The following PPARA variants were observed in gnomAD, a reference collection of about 807,000 sequenced individuals.
PPARA encodes peroxisome proliferator-activated receptor alpha.
Under a neutral mutation model 42.2 loss-of-function variants are expected in PPARA, and 22 were observed. That is an observed-to-expected ratio of 0.52 (90% CI 0.37 to 0.74). The LOEUF is 0.74. PPARA is among the 30% of genes least tolerant of loss of function. PPARA has a pLI of 0.00. For synonymous variants in PPARA, 242 were observed against 239.3 expected (o/e 1.01, Z -0.10); for missense variants, 465 against 608.2 (o/e 0.76, Z 2.48).
At position 46,185,950 on chromosome 22, in the gene PPARA, T is replaced by A. The variant is rs1569207858; in HGVS notation, c.-43+9114T>A. The stretch of plus-strand genomic sequence containing the variant: ...ATATATATATATATATATATATATA[T>A]ATATATATATATATACACACACACT... On this transcript the variant is annotated intron_variant, in intron 3 of 8. Transcript: ENST00000407236. 7.0e-5 allele frequency among the ~76,000 whole-genome samples: 4 copies of A among 57,340 alleles called. 1 individual carries two copies. The highest frequency in any genetic ancestry group is 1.9e-4 in the African/African-American group (3 of 15,392). 37.6% of individuals were successfully genotyped at this position (57,340 alleles called of 152,430 possible).
At chr22:46,166,160 C>T (rs1219616224) in intron 2 of PPARA, among the ~76,000 whole-genome samples, 2 of 152,176 alleles carry the variant, frequency 1.3e-5, no homozygotes, top group Non-Finnish European at 2.9e-5. Flanking sequence ...GTATAGATAA[C>T]AGATGTGCAT....
rs772528519 is a variant in PPARA, at chr22:46,182,936, G to T, written c.-43+6100G>T. Among the ~76,000 whole-genome samples the T allele has an allele frequency of 1.3e-5, 2 of 152,060 alleles. No individual in the cohort carries two copies. Among genetic ancestry groups the T allele is most frequent in the Non-Finnish European group, 1.5e-5 (1 of 68,012 alleles). ...ATTTTTCTATTTTTAGTAAAGACAG[G>T]GTTTCGCCATGATTGCCAGGCTGGT... On this transcript the variant is annotated intron_variant, in intron 3 of 8. Transcript: ENST00000407236. The surrounding 1 kb of genome is among the most constrained non-coding windows in gnomAD (Gnocchi z 5.2).
intron 2 of PPARA, among the ~76,000 whole-genome samples, chr22:46,153,902 G>C (rs1199608556): frequency 6.6e-6 from 1 of 152,148 alleles, no homozygotes; most frequent in Non-Finnish European, 1.5e-5. Context: ...ACTAGACAGA[G>C]AAGAAGGAGA....
Position 46,231,904 on chromosome 22 carries a change from G to A in PPARA, c.824G>A (p.Cys275Tyr). The change falls in exon 8 of 9, where the codon TGC becomes TAC. Residue 275 changes from cysteine (C) to tyrosine (Y), a missense_variant. This residue lies in a region of PPARA where 313 missense variants were observed against 469.1 expected (regional missense o/e 0.67). Transcript: ENST00000407236. The surrounding 1 kb of genome is among the most constrained non-coding windows in gnomAD (Gnocchi z 7.7). ...NKEAEVRIFHCCQCTSVETVT... is the reference protein window; with the variant it reads ...NKEAEVRIFHYCQCTSVETVT... ...GAGGCGGAGGTCCGCATCTTTCACT[G>A]CTGCCAGTGCACGTCAGTGGAGACC... is the stretch of plus-strand genomic sequence containing the variant. The A allele has an allele frequency of 6.2e-7, 1 of 1,614,180 alleles. No homozygotes were observed. The highest frequency in any genetic ancestry group is 8.5e-7 in the Non-Finnish European group (1 of 1,180,006).
At position 46,191,627 on chromosome 22, in the gene PPARA, C is replaced by T. The variant is rs985459846; in HGVS notation, c.-42-6715C>T. ...ATATCCATTACATTTTTGTAGTCTT[C>T]GGACACACTGTGTGTGCCGCTTTGC... On this transcript the variant is annotated intron_variant, in intron 3 of 8. Coordinates refer to ENST00000407236, the MANE Select transcript of PPARA (RefSeq NM_005036.6). This position sits in a 1 kb window ranked among gnomAD's most constrained non-coding sequence, Gnocchi z 4.6. Among the ~76,000 whole-genome samples the T allele has an allele frequency of 2.0e-5, 3 of 152,052 alleles. No homozygotes were observed. The highest frequency in any genetic ancestry group is 1.5e-5 in the Non-Finnish European group (1 of 68,026).
Position 46,183,286 on chromosome 22 carries a change from A to T in PPARA, c.-43+6450A>T, listed in dbSNP as rs1227077607. Among the ~76,000 whole-genome samples, 1 of 152,218 alleles carries T rather than the reference A, an allele frequency of 6.6e-6. No individual in the cohort carries two copies. Among genetic ancestry groups the T allele is most frequent in the East Asian group, 1.9e-4 (1 of 5,208 alleles). The stretch of plus-strand genomic sequence containing the variant: ...CACATTGCAATTTGTCATTAGTTTA[A>T]ACTTCCAGTCTTTGTTTTAAAAACA... On this transcript the variant is annotated intron_variant, in intron 3 of 8. Transcript: ENST00000407236. This position sits in a 1 kb window ranked among gnomAD's most constrained non-coding sequence, Gnocchi z 5.5.
At chr22:46,226,446 C>T (rs980361006) in intron 7 of PPARA, among the ~76,000 whole-genome samples, 5 of 152,188 alleles carry the variant, frequency 3.3e-5, no homozygotes, top group African/African-American at 1.2e-4. Context: ...AGAACTGACA[C>T]TCAGTTCAAA....
intron 3 of PPARA, among the ~76,000 whole-genome samples, chr22:46,179,325 T>C (rs1929611367): frequency 6.6e-6 from 1 of 152,134 alleles, no homozygotes; most frequent in South Asian, 2.1e-4. Context: ...ATGTAACTCA[T>C]CGTATTAACA....
At chr22:46,226,829 C>G (rs531119214) in intron 7 of PPARA, among the ~76,000 whole-genome samples, 85 of 151,974 alleles carry the variant, frequency 5.6e-4, no homozygotes, top group Non-Finnish European at 9.7e-4. Context: ...CCACTGTACT[C>G]CAGCCTGGGT....
At chr22:46,201,588 C>A (rs1664514156) in intron 4 of PPARA, among the ~76,000 whole-genome samples, 1 of 152,094 alleles carries the variant, frequency 6.6e-6, no homozygotes, top group African/African-American at 2.4e-5. Flanking sequence ...GGGTTAATGG[C>A]CTTGACAATG....
rs550724312 is a variant in PPARA, at chr22:46,209,920, A to T, written c.209-5253A>T. ...ACCACCACACCTGGCTAATTTTTAA[A>T]TTTTTTGAAGAGACGGGTCTCACTT... On this transcript the variant is annotated intron_variant, in intron 4 of 8. Transcript: ENST00000407236. 2.6e-5 allele frequency among the ~76,000 whole-genome samples: 4 copies of T among 152,008 alleles called. No homozygotes were observed. The East Asian group carries it at 7.7e-4, about 29-fold the overall frequency.
In PPARA at chr22:46,225,912, TAC is replaced by T. The variant is rs761947747; in HGVS notation, c.712-5870_712-5869del. On this transcript the variant is annotated intron_variant, in intron 7 of 8. Transcript: ENST00000407236. The surrounding 1 kb of genome is among the most constrained non-coding windows in gnomAD (Gnocchi z 4.1). Reference sequence around the variant, plus strand: ...TCACACATGTACCCACACCTGTGTGTACACACACACATGCATGCTCACACACA... The same window carrying T: ...TCACACATGTACCCACACCTGTGTGTACACACACATGCATGCTCACACACA... Among the ~76,000 whole-genome samples, 6 of 143,020 alleles carry T rather than the reference TAC, an allele frequency of 4.2e-5. No individual in the cohort carries two copies. The highest frequency in any genetic ancestry group is 2.3e-4 in the South Asian group (1 of 4,378). The allele number at this position is 143,020 out of a possible 152,430, so 93.8% of individuals were successfully genotyped here. A position where few individuals can be genotyped will look rare whatever the true frequency, so the allele number is the denominator to read the frequency against.
rs1461146688 is a variant in PPARA, at chr22:46,234,866, G to T, written c.1160-267G>T. On this transcript the variant is annotated intron_variant, in intron 8 of 8. Coordinates refer to ENST00000407236, the MANE Select transcript of PPARA (RefSeq NM_005036.6). This position sits in a 1 kb window ranked among gnomAD's most constrained non-coding sequence, Gnocchi z 5.8. ...CATCAGGTAAATCACAAGTGAAAAG[G>T]CCGCACCATAAGGTGTACTTAGGGC... is the stretch of plus-strand genomic sequence containing the variant. Among the ~76,000 whole-genome samples the T allele has an allele frequency of 6.6e-6, 1 of 152,138 alleles. No individual in the cohort carries two copies. The highest frequency in any genetic ancestry group is 2.4e-5 in the African/African-American group (1 of 41,422).
chr22:46,210,004 C>T (rs1933764270), intron 4 of PPARA, among the ~76,000 whole-genome samples: 4 of 152,156 alleles, frequency 2.6e-5, no homozygotes, highest in African/African-American at 4.8e-5. Context: ...CTTGGCCTCC[C>T]AACGTGTTGG....
intron 4 of PPARA, among the ~76,000 whole-genome samples, chr22:46,214,337 G>A (rs888665678): frequency 4.7e-5 from 7 of 150,160 alleles, no homozygotes; most frequent in Non-Finnish European, 1.0e-4. Flanking sequence ...AGATGTGCGC[G>A]TACCCAGAGG....
rs555900284 is a variant in PPARA at position 46,171,090 on chromosome 22, G to A, written c.-126-5663G>A. On this transcript the variant is annotated intron_variant, in intron 2 of 8. Coordinates refer to ENST00000407236, the MANE Select transcript of PPARA (RefSeq NM_005036.6). The surrounding 1 kb of genome is among the most constrained non-coding windows in gnomAD (Gnocchi z 5.0). Reference sequence around the variant, plus strand: ...GCAGGAGAATTGCTTGAGCCCAGGAGGCAGAGATCGCAGTGAGCCAAGACT... The same window carrying A: ...GCAGGAGAATTGCTTGAGCCCAGGAAGCAGAGATCGCAGTGAGCCAAGACT... Among the ~76,000 whole-genome samples the A allele has an allele frequency of 4.8e-4, 73 of 152,192 alleles. No homozygotes were observed. Among genetic ancestry groups the A allele is most frequent in the African/African-American group, 1.7e-3 (72 of 41,528 alleles).
At chr22:46,181,998 C>T (rs1569204222) in intron 3 of PPARA, among the ~76,000 whole-genome samples, 1 of 152,222 alleles carries the variant, frequency 6.6e-6, no homozygotes, top group Non-Finnish European at 1.5e-5. Flanking sequence ...ACCACCACGC[C>T]TGGCTAATTT....
chr22:46,202,821 C>T (rs955286739), intron 4 of PPARA, among the ~76,000 whole-genome samples: 1 of 150,266 alleles, frequency 6.7e-6, no homozygotes, highest in Non-Finnish European at 1.5e-5. Context: ...CAAGATCACA[C>T]CACTGCACTC....
chr22:46,172,394 C>T (rs1456110756), intron 2 of PPARA, among the ~76,000 whole-genome samples: 3 of 151,056 alleles, frequency 2.0e-5, no homozygotes, highest in Admixed American at 1.3e-4. Context: ...TTTGGGAGGC[C>T]GAGGTAGGTG....
Sources: gnomAD v4.1 joint callset for allele counts (sites outside exome capture counted in the v4.1 genomes callset) on GRCh38, gnomAD v4.1.1 for gene constraint, gnomAD v4.1.1 regional missense constraint, Gnocchi (gnomAD v3.1) non-coding constraint, MANE v1.5 for transcripts, NCBI Gene and HGNC (gene_info 2026-07-23, HGNC 2026-07-21) for gene names.